RGS7BP: variants seen among roughly 807,000 people sequenced by gnomAD.
The protein encoded by RGS7BP is regulator of G protein signaling 7 binding protein, also known as regulator of G protein signaling 7-binding protein.
RGS7BP carries 9 observed loss-of-function variants against 31.3 expected under a neutral mutation model. That is an observed-to-expected ratio of 0.29 (90% CI 0.17 to 0.50). The LOEUF is 0.50. Among genes scored for constraint, RGS7BP ranks in the 20% least tolerant of loss-of-function variants. The pLI is 0.98. For synonymous variants in RGS7BP, 115 were observed against 120.1 expected (o/e 0.96, Z 0.28); for missense variants, 274 against 322.0 (o/e 0.85, Z 1.14).
chr5:64,609,112 G>A (rs761905112), intron 5 of RGS7BP, 49 bp from the exon 6 acceptor site: 1 of 1,183,376 alleles, frequency 8.5e-7, no homozygotes, highest in Non-Finnish European at 1.3e-6. Context: ...CTAAAAAGCA[G>A]GTTGTTGTGT....
chr5:64,542,033 C>A (rs919587744), intron 2 of RGS7BP, among the ~76,000 whole-genome samples: 3 of 152,022 alleles, frequency 2.0e-5, no homozygotes, highest in African/African-American at 7.2e-5. Flanking sequence ...TAGATATTAA[C>A]GAATTTTCAC....
At chr5:64,529,127 G>GA (rs953199415) in intron 2 of RGS7BP, among the ~76,000 whole-genome samples, 1 of 152,056 alleles carries the variant, frequency 6.6e-6, no homozygotes, top group African/African-American at 2.4e-5. Context: ...ATTTTGATTA[G>GA]AAAAATGTAC....
rs1001782683 is a variant in RGS7BP at position 64,611,891 on chromosome 5, T to A, written c.*2639T>A. 1 of 151,866 alleles carries A rather than the reference T, an allele frequency of 6.6e-6. No individual in the cohort carries two copies. The highest frequency in any genetic ancestry group is 1.5e-5 in the Non-Finnish European group (1 of 67,898). The allele number at this position is 151,866 out of a possible 1,614,324, so 9.4% of individuals were successfully genotyped here. A position where few individuals can be genotyped will look rare whatever the true frequency, so the allele number is the denominator to read the frequency against. ...TCAGGTGTGGTTCCAAGCGATAAAG[T>A]TCTACTGTCTCGGCTTCCTGCTGGT... On this transcript the variant is annotated 3_prime_UTR_variant, in exon 6 of 6. Transcript: ENST00000334025.
intron 2 of RGS7BP, among the ~76,000 whole-genome samples, chr5:64,523,000 G>A (rs1749146509): frequency 6.6e-6 from 1 of 152,136 alleles, no homozygotes; most frequent in African/African-American, 2.4e-5. Flanking sequence ...GATTCAGCTG[G>A]AAAAGAAAAG....
intron 2 of RGS7BP, among the ~76,000 whole-genome samples, chr5:64,516,664 G>A (rs1228865304): frequency 2.0e-5 from 3 of 152,168 alleles, no homozygotes; most frequent in African/African-American, 7.2e-5. Flanking sequence ...CGGACCTGAA[G>A]AACCAAAACC....
At chr5:64,514,493 A>G (rs921719583) in intron 2 of RGS7BP, among the ~76,000 whole-genome samples, 3 of 152,192 alleles carry the variant, frequency 2.0e-5, no homozygotes, top group East Asian at 3.8e-4. Flanking sequence ...CCAGGGCCCA[A>G]TGTTTAATCA....
chr5:64,513,033 C>T (rs547156886), intron 2 of RGS7BP, among the ~76,000 whole-genome samples: 19 of 152,178 alleles, frequency 1.2e-4, no homozygotes, highest in Non-Finnish European at 2.5e-4. Flanking sequence ...CTCCTGGCTT[C>T]CTCATTCCAT....
chr5:64,526,828 T>C (rs1015444751), intron 2 of RGS7BP, among the ~76,000 whole-genome samples: 5 of 152,084 alleles, frequency 3.3e-5, no homozygotes, highest in Admixed American at 2.0e-4. Context: ...GATCTGTGTG[T>C]GAGCTAATGC....
chr5:64,594,999 G>A (rs1003744413), intron 4 of RGS7BP, 142 bp downstream of exon 4: 2 of 826,114 alleles, frequency 2.4e-6, no homozygotes, highest in Non-Finnish European at 3.8e-6. Context: ...TGCTGTCAGG[G>A]ACCCTGGAGA....
intron 2 of RGS7BP, among the ~76,000 whole-genome samples, chr5:64,528,790 G>A (rs1015059959): frequency 2.9e-5 from 4 of 135,748 alleles, no homozygotes; most frequent in South Asian, 4.9e-4. Context: ...CAGCCTGGGC[G>A]ACAGAGCAAG....
chr5:64,601,402 C>T (rs1240954089), intron 5 of RGS7BP: 2 of 958,902 alleles, frequency 2.1e-6, no homozygotes, highest in Non-Finnish European at 2.5e-6. Context: ...CTTTCTACTA[C>T]AGTCAAAACT....
chr5:64,541,746 A>G (rs1223513954), intron 2 of RGS7BP, among the ~76,000 whole-genome samples: 1 of 151,868 alleles, frequency 6.6e-6, no homozygotes, highest in African/African-American at 2.4e-5. Context: ...CTACAGTAGC[A>G]TTATTTTTTT....
intron 3 of RGS7BP, among the ~76,000 whole-genome samples, chr5:64,588,426 C>T (rs1256892509): frequency 6.6e-6 from 1 of 152,126 alleles, no homozygotes; most frequent in African/African-American, 2.4e-5. Flanking sequence ...GGCAGACATG[C>T]TTATAAAAGA....
intron 2 of RGS7BP, among the ~76,000 whole-genome samples, chr5:64,508,098 A>G (rs1020824176): frequency 2.6e-5 from 4 of 152,222 alleles, no homozygotes; most frequent in Admixed American, 2.6e-4. Flanking sequence ...GATTTGGATC[A>G]AATGATTTTT....
chr5:64,594,735 G>T lies in RGS7BP; in HGVS notation c.489G>T (p.Lys163Asn). 1.2e-6 allele frequency: 2 copies of T among 1,613,756 alleles called. No individual in the cohort carries two copies. Among genetic ancestry groups the T allele is most frequent in the Non-Finnish European group, 1.7e-6 (2 of 1,179,800 alleles). ...GAAAGGAACCTGGCGGGGGAACCAA[G>T]AGTTTGGATTGCAAAATTGAGGAGA... is the stretch of plus-strand genomic sequence containing the variant. ...RKGKEPGGGT[K>N]SLDCKIEESA... The change falls in exon 4 of 6, where the codon AAG becomes AAT. Residue 163 changes from lysine to asparagine, a missense_variant. By Grantham distance (94) the Lys-to-Asn change is moderately conservative. Transcript: ENST00000334025.
At chr5:64,512,263 C>T (rs1748857689) in intron 2 of RGS7BP, among the ~76,000 whole-genome samples, 1 of 152,176 alleles carries the variant, frequency 6.6e-6, no homozygotes, top group Non-Finnish European at 1.5e-5. Flanking sequence ...AGTATGACAA[C>T]ATGAGAGACA....
chr5:64,568,895 A>G (rs1002757947), intron 2 of RGS7BP, among the ~76,000 whole-genome samples: 8 of 150,038 alleles, frequency 5.3e-5, no homozygotes, highest in Admixed American at 3.3e-4. Context: ...CAACTCTCCC[A>G]ACCGGGTCAT....
At chr5:64,576,807 A>T (rs777975276) in intron 3 of RGS7BP, among the ~76,000 whole-genome samples, 4 of 152,228 alleles carry the variant, frequency 2.6e-5, no homozygotes, top group Non-Finnish European at 4.4e-5. Context: ...AGTATCCATC[A>T]CCAGAAGACT....
At position 64,549,573 on chromosome 5, in the gene RGS7BP, C is replaced by T. The variant is rs956926450; in HGVS notation, c.333-26201C>T. On this transcript the variant is annotated intron_variant, in intron 2 of 5. Coordinates refer to ENST00000334025, the MANE Select transcript of RGS7BP (RefSeq NM_001029875.3). ...TTTCTTCTTCTTGAAGAATATCACACATGGCTGAATAGCTTGATCATTCCC... is the reference window on the plus strand; with the variant it reads ...TTTCTTCTTCTTGAAGAATATCACATATGGCTGAATAGCTTGATCATTCCC... 3.9e-5 allele frequency among the ~76,000 whole-genome samples: 6 copies of T among 152,246 alleles called. No individual in the cohort carries two copies. The South Asian group carries it at 1.2e-3, about 32-fold the overall frequency.
Sources: gnomAD v4.1 joint callset for allele counts (sites outside exome capture counted in the v4.1 genomes callset) on GRCh38, gnomAD v4.1.1 for gene constraint, MANE v1.5 for transcripts, NCBI Gene and HGNC (gene_info 2026-07-23, HGNC 2026-07-21) for gene names.